The following CBFA2T3 variants were observed in gnomAD, a reference collection of about 807,000 sequenced individuals.
The protein encoded by CBFA2T3 is transcriptional corepressor CBFA2T3.
A neutral mutation model predicts 58.6 loss-of-function variants in CBFA2T3; 31 were observed. That is an observed-to-expected ratio of 0.53 (90% CI 0.40 to 0.71). The LOEUF is 0.71. Ranked by LOEUF, CBFA2T3 falls within the 30% of genes least tolerant of loss-of-function variation. The probability of loss-of-function intolerance (pLI) is 0.00; values close to 1 mark genes in which losing one functional copy is unlikely to be tolerated. For missense variants in CBFA2T3, 1,076 were observed against 963.1 expected, an observed-to-expected ratio of 1.12 and a Z score of -1.55; for synonymous variants, 531 against 421.9, an observed-to-expected ratio of 1.26 and a Z score of -3.17.
At chr16:88,893,840 C>T (rs986825984) in intron 3 of CBFA2T3, among the ~76,000 whole-genome samples, 17 of 152,200 alleles carry the variant, frequency 1.1e-4, no homozygotes, top group South Asian at 8.3e-4. Context: ...ACCCCTCCTG[C>T]GCCTGGGACA....
rs1412293720 is a variant in CBFA2T3 at position 88,876,436 on chromosome 16, C to T, written c.*540G>A. 1 of 230,892 alleles carries T rather than the reference C, an allele frequency of 4.3e-6. No individual in the cohort carries two copies. Among genetic ancestry groups the T allele is most frequent in the Non-Finnish European group, 8.6e-6 (1 of 116,686 alleles). 14.3% of individuals were successfully genotyped at this position (230,892 alleles called of 1,614,324 possible). ...TATAAAATCGCAGTTTTCTTTCTCC[C>T]TTTTTAATCAGGAGGGGGAGAACCC... On this transcript the variant is annotated 3_prime_UTR_variant, in exon 12 of 12. Coordinates refer to ENST00000268679, the MANE Select transcript of CBFA2T3 (RefSeq NM_005187.6).
chr16:88,972,546 C>G (rs577866137), intron 1 of CBFA2T3, among the ~76,000 whole-genome samples: 75 of 152,338 alleles, frequency 4.9e-4, no homozygotes, highest in African/African-American at 1.7e-3. Context: ...ATGCTGCTGG[C>G]TTTCTGCCAT....
chr16:88,921,378 G>A (rs1404613098), intron 1 of CBFA2T3, among the ~76,000 whole-genome samples: 5 of 152,234 alleles, frequency 3.3e-5, no homozygotes, highest in Admixed American at 2.6e-4. Context: ...GTGCCACGCC[G>A]CCCCACCCCA....
intron 8 of CBFA2T3, among the ~76,000 whole-genome samples, 183 bp downstream of exon 8, chr16:88,882,493 G>A (rs1266446036): frequency 2.0e-5 from 3 of 149,540 alleles, no homozygotes; most frequent in Admixed American, 6.7e-5. Context: ...GTGACTGCAC[G>A]GGCGTGGCTG....
intron 2 of CBFA2T3, among the ~76,000 whole-genome samples, chr16:88,899,777 C>T (rs772769762): frequency 1.1e-4 from 16 of 152,350 alleles, no homozygotes; most frequent in South Asian, 2.1e-4. Flanking sequence ...GTCTGTGGAG[C>T]GGGTGTTTTA....
intron 1 of CBFA2T3, among the ~76,000 whole-genome samples, chr16:88,946,324 A>C (rs1971901092): frequency 6.6e-6 from 1 of 152,112 alleles, no homozygotes; most frequent in African/African-American, 2.4e-5. Flanking sequence ...AAAAGAAAAA[A>C]AAAAGTGAAT....
chr16:88,919,095 C>T lies in CBFA2T3; in HGVS notation c.152-17439G>A, dbSNP rs79675165. On this transcript the variant is annotated intron_variant, in intron 1 of 11. Coordinates refer to ENST00000268679, the MANE Select transcript of CBFA2T3 (RefSeq NM_005187.6). ...ACTGGTCGAAGCAAGCATTAGGTCA[C>T]GGCCTGTTCCTCTTCCTTATTTGAA... Among the ~76,000 whole-genome samples, 562 of 152,324 alleles carry T rather than the reference C, an allele frequency of 3.7e-3. 26 individuals carry two copies. In the East Asian group the frequency reaches 0.086, roughly 23 times the overall value.
At position 88,881,304 on chromosome 16, in the gene CBFA2T3, TTCGGG is replaced by T. The variant is rs1969064088; in HGVS notation, c.1384_1388del (p.Pro462ArgfsTer21). The T allele has an allele frequency of 6.3e-7, 1 of 1,590,838 alleles. No individual in the cohort carries two copies. The highest frequency in any genetic ancestry group is 8.5e-7 in the Non-Finnish European group (1 of 1,169,802). ...CCCCACACGCACCTAGCTGAGGCCC[TTCGGG>T]ACCGGCGGAGCTGCTGCGGGGCCGG... On this transcript the variant is annotated frameshift_variant, in exon 9 of 12. Coordinates refer to ENST00000268679, the MANE Select transcript of CBFA2T3 (RefSeq NM_005187.6). LOFTEE classifies it high-confidence loss of function.
rs1445786483 is a variant in CBFA2T3 at position 88,880,875 on chromosome 16, G to C, written c.1403-87C>G. 1.6e-5 allele frequency: 19 copies of C among 1,225,674 alleles called. No homozygotes were observed. In the East Asian group the frequency reaches 2.3e-4, roughly 15 times the overall value. The allele number at this position is 1,225,674 out of a possible 1,614,324, so 75.9% of individuals were successfully genotyped here. ...CCTCCCCACCCTGGCTGGGCCCTGA[G>C]TGCAGGGCGTGAGTGTGTGCGTCCC... On this transcript the variant is annotated intron_variant, in intron 9 of 11. Coordinates refer to ENST00000268679, the MANE Select transcript of CBFA2T3 (RefSeq NM_005187.6).
chr16:88,896,810 C>T (rs560541007), intron 3 of CBFA2T3, among the ~76,000 whole-genome samples: 2 of 152,316 alleles, frequency 1.3e-5, no homozygotes, highest in East Asian at 3.9e-4. Flanking sequence ...GGGCCTGGCC[C>T]TCCCTTAGGT....
Position 88,885,557 on chromosome 16 carries a change from G to A in CBFA2T3, c.894-288C>T, listed in dbSNP as rs1418693772. On this transcript the variant is annotated intron_variant, in intron 6 of 11. Transcript: ENST00000268679. This position sits in a 1 kb window ranked among gnomAD's most constrained non-coding sequence, Gnocchi z 5.3. ...TCGCTGCTCTGGGAACGAGGAGAGGGATACACCAGGCTTCCGTAACTGGAG... is the reference window on the plus strand; with the variant it reads ...TCGCTGCTCTGGGAACGAGGAGAGGAATACACCAGGCTTCCGTAACTGGAG... Among the ~76,000 whole-genome samples the A allele has an allele frequency of 6.6e-6, 1 of 152,292 alleles. No individual in the cohort carries two copies. The highest frequency in any genetic ancestry group is 1.9e-4 in the East Asian group (1 of 5,184).
chr16:88,885,337 G>T lies in CBFA2T3; in HGVS notation c.894-68C>A. On this transcript the variant is annotated intron_variant, in intron 6 of 11. Transcript: ENST00000268679. This position sits in a 1 kb window ranked among gnomAD's most constrained non-coding sequence, Gnocchi z 5.3. ...TGAACCGGGGACAGAGGTGCAGGTG[G>T]GGTGAGAGGCAGACAGGCAAGGGCA... The T allele has an allele frequency of 8.8e-7, 1 of 1,140,254 alleles. No individual in the cohort carries two copies. Among genetic ancestry groups the T allele is most frequent in the Non-Finnish European group, 1.2e-6 (1 of 828,604 alleles). 70.6% of individuals were successfully genotyped at this position (1,140,254 alleles called of 1,614,324 possible).
At chr16:88,967,672 C>T (rs1344372108) in intron 1 of CBFA2T3, among the ~76,000 whole-genome samples, 1 of 152,178 alleles carries the variant, frequency 6.6e-6, no homozygotes, top group East Asian at 1.9e-4. Context: ...GGACGGCGTG[C>T]TGCCCTGCGT....
chr16:88,929,589 A>G (rs8060440), intron 1 of CBFA2T3, among the ~76,000 whole-genome samples: 166 of 148,318 alleles, frequency 1.1e-3, no homozygotes, highest in African/African-American at 3.9e-3. Context: ...CATCTGCATC[A>G]CCCACGCAAA....
In CBFA2T3 at chr16:88,885,905, G is replaced by A. The variant is rs750856091; in HGVS notation, c.893+56C>T. On this transcript the variant is annotated intron_variant, in intron 6 of 11. Transcript: ENST00000268679. The surrounding 1 kb of genome is among the most constrained non-coding windows in gnomAD (Gnocchi z 5.3). ...TCCCTCTCTTACCCAGAGGGGAGCA[G>A]GGTGAGCCGCGTGTCCACGGCACCC... 12 of 1,461,444 alleles carry A rather than the reference G, an allele frequency of 8.2e-6. No individual in the cohort carries two copies. The Admixed American group carries it at 1.6e-4, about 19-fold the overall frequency. 90.5% of individuals were successfully genotyped at this position (1,461,444 alleles called of 1,614,324 possible). A position where few individuals can be genotyped will look rare whatever the true frequency, so the allele number is the denominator to read the frequency against.
At chr16:88,959,028 G>A (rs1257990864) in intron 1 of CBFA2T3, among the ~76,000 whole-genome samples, 3 of 152,042 alleles carry the variant, frequency 2.0e-5, no homozygotes, top group African/African-American at 4.8e-5. Context: ...GGGCTGTGCC[G>A]CACCAACCCA....
chr16:88,918,839 C>T (rs112382044), intron 1 of CBFA2T3, among the ~76,000 whole-genome samples: 11 of 150,986 alleles, frequency 7.3e-5, no homozygotes, highest in Admixed American at 2.0e-4. Context: ...TGAGAGAGGT[C>T]GGAGCTGCAG....
At chr16:88,921,135 G>A (rs887793663) in intron 1 of CBFA2T3, among the ~76,000 whole-genome samples, 17 of 152,358 alleles carry the variant, frequency 1.1e-4, no homozygotes, top group African/African-American at 3.6e-4. Context: ...GGGAGACCAA[G>A]TGATTTCAAT....
intron 1 of CBFA2T3, among the ~76,000 whole-genome samples, chr16:88,975,344 C>T (rs999672603): frequency 1.5e-4 from 22 of 150,856 alleles, no homozygotes; most frequent in African/African-American, 5.3e-4. Context: ...GGTAGACACC[C>T]CCGTCCTTCC....
Sources: gnomAD v4.1 joint callset for allele counts (sites outside exome capture counted in the v4.1 genomes callset) on GRCh38, gnomAD v4.1.1 for gene constraint, Gnocchi (gnomAD v3.1) non-coding constraint, MANE v1.5 for transcripts, NCBI Gene and HGNC (gene_info 2026-07-23, HGNC 2026-07-21) for gene names.